TIAM1: variants seen among roughly 807,000 people sequenced by gnomAD.
TIAM1 encodes TIAM Rac1 associated GEF 1.
Under a neutral mutation model 163.5 loss-of-function variants are expected in TIAM1, and 65 were observed. That is an observed-to-expected ratio of 0.40 (90% confidence interval 0.33 to 0.49). The LOEUF is 0.49. TIAM1 is among the 20% of genes least tolerant of loss of function. TIAM1 has a pLI of 0.77. For synonymous variants in TIAM1, 833 were observed against 810.1 expected, an observed-to-expected ratio of 1.03 and a Z score of -0.48; for missense variants, 1,789 against 2,044.7, an observed-to-expected ratio of 0.87 and a Z score of 2.41.
chr21:31,295,262 A>G (rs2146931590), intron 2 of TIAM1, among the ~76,000 whole-genome samples: 1 of 152,260 alleles, frequency 6.6e-6, no homozygotes, highest in East Asian at 1.9e-4. Flanking sequence ...TGAAGTCAGG[A>G]AATCGAGACC....
intron 1 of TIAM1, among the ~76,000 whole-genome samples, chr21:31,512,415 C>G (rs1177169326): frequency 6.6e-6 from 1 of 151,942 alleles, no homozygotes; most frequent in Non-Finnish European, 1.5e-5. Context: ...TTTATTTTTA[C>G]TGTTGTCACA....
chr21:31,433,780 GAACCTTAATAT>G (rs2044120197), intron 2 of TIAM1, among the ~76,000 whole-genome samples: 1 of 151,982 alleles, frequency 6.6e-6, no homozygotes, highest in African/African-American at 2.4e-5. Flanking sequence ...CCACATAACT[GAACCTTAATAT>G]TTCTAAATGT....
intron 2 of TIAM1, among the ~76,000 whole-genome samples, chr21:31,456,749 T>TATTCTATC (rs1274524612): frequency 1.3e-5 from 2 of 152,338 alleles, no homozygotes; most frequent in Non-Finnish European, 2.9e-5. Flanking sequence ...ATAAGCATCC[T>TATTCTATC]ATTCTATCAT....
chr21:31,548,840 T>G (rs1450295522), intron 1 of TIAM1, among the ~76,000 whole-genome samples: 2 of 152,082 alleles, frequency 1.3e-5, no homozygotes, highest in Non-Finnish European at 2.9e-5. Flanking sequence ...TGGGCTGTTC[T>G]ATGCACTGGA....
intron 2 of TIAM1, among the ~76,000 whole-genome samples, chr21:31,280,564 T>C (rs1218361131): frequency 2.0e-5 from 3 of 152,052 alleles, no homozygotes; most frequent in African/African-American, 7.2e-5. Context: ...AATTTCTGTG[T>C]CATGTGTCAA....
intron 2 of TIAM1, among the ~76,000 whole-genome samples, chr21:31,400,925 T>G (rs888823798): frequency 6.6e-6 from 1 of 152,070 alleles, no homozygotes; most frequent in Admixed American, 6.6e-5. Flanking sequence ...ACCCCGGCTC[T>G]ACTAAAAATA....
chr21:31,500,891 T>C (rs1431766434), intron 1 of TIAM1, among the ~76,000 whole-genome samples: 2 of 152,234 alleles, frequency 1.3e-5, no homozygotes, highest in Admixed American at 6.5e-5. Flanking sequence ...GTTTGTGCTA[T>C]GTTATAACGG....
chr21:31,522,378 C>T (rs554670614), intron 1 of TIAM1, among the ~76,000 whole-genome samples: 6 of 151,290 alleles, frequency 4.0e-5, no homozygotes, highest in Admixed American at 2.0e-4. Context: ...GGCATGGTGG[C>T]GCATGCCTGT....
chr21:31,361,476 G>A (rs570936671), intron 2 of TIAM1, among the ~76,000 whole-genome samples: 5 of 152,262 alleles, frequency 3.3e-5, no homozygotes, highest in East Asian at 1.9e-4. Flanking sequence ...TCTCGAGCTG[G>A]TGATGGCCAC....
intron 15 of TIAM1, among the ~76,000 whole-genome samples, chr21:31,176,597 C>T (rs1006233058): frequency 4.6e-5 from 7 of 152,248 alleles, no homozygotes; most frequent in African/African-American, 1.4e-4. Context: ...AGGCTTCCCT[C>T]GTAAACCAAG....
intron 2 of TIAM1, among the ~76,000 whole-genome samples, chr21:31,314,322 T>C (rs560554607): frequency 6.6e-6 from 1 of 152,314 alleles, no homozygotes; most frequent in Admixed American, 6.5e-5. Context: ...AGAGGTATCC[T>C]GAGAATAACT....
intron 4 of TIAM1, among the ~76,000 whole-genome samples, chr21:31,256,862 T>C (rs956322581): frequency 1.3e-5 from 2 of 152,152 alleles, no homozygotes; most frequent in African/African-American, 4.8e-5. Context: ...GCCCAGCACA[T>C]AGTACCTGCT....
At position 31,359,836 on chromosome 21, in the gene TIAM1, GGAAGGAAGGAAGGAAGGA is replaced by G. The variant is rs1187584196; in HGVS notation, c.-368-20432_-368-20415del. 4.2e-3 allele frequency among the ~76,000 whole-genome samples: 567 copies of G among 136,560 alleles called. 10 individuals carry two copies. Among genetic ancestry groups the G allele is most frequent in the African/African-American group, 0.015 (550 of 35,724 alleles). 89.6% of individuals were successfully genotyped at this position (136,560 alleles called of 152,430 possible). ...AGGAAGGAAGGAAGGAAGGAAGGAAGGAAGGAAGGAAGGAAGGAAGGAAGGAAGGGAGGGAGGGAGGAA... is the reference window on the plus strand; with the variant it reads ...AGGAAGGAAGGAAGGAAGGAAGGAAGAGGAAGGAAGGGAGGGAGGGAGGAA... On this transcript the variant is annotated intron_variant, in intron 2 of 28. Coordinates refer to the TIAM1 transcript ENST00000286827.
At chr21:31,474,880 G>T (rs2045880819) in intron 1 of TIAM1, among the ~76,000 whole-genome samples, 2 of 151,842 alleles carry the variant, frequency 1.3e-5, no homozygotes, top group South Asian at 4.2e-4. Flanking sequence ...TGCACCCTGG[G>T]AGCCCTACAG....
intron 8 of TIAM1, among the ~76,000 whole-genome samples, chr21:31,218,307 C>G (rs1321810090): frequency 6.6e-6 from 1 of 152,158 alleles, no homozygotes; most frequent in African/African-American, 2.4e-5. Flanking sequence ...GTGGCTCATG[C>G]CTGTAATCCC....
intron 6 of TIAM1, among the ~76,000 whole-genome samples, chr21:31,237,414 C>T (rs1279703113): frequency 6.6e-6 from 1 of 152,192 alleles, no homozygotes; most frequent in Non-Finnish European, 1.5e-5. Context: ...AGACCTTAGC[C>T]TTTTCACAGT....
In TIAM1 at chr21:31,359,805, A is replaced by AAAGGAAGGAAGGAAGG. The variant is rs767750965; in HGVS notation, c.-368-20399_-368-20384dup. 2.5e-3 allele frequency among the ~76,000 whole-genome samples: 225 copies of AAAGGAAGGAAGGAAGG among 90,730 alleles called. 3 individuals are homozygous for AAAGGAAGGAAGGAAGG. The highest frequency in any genetic ancestry group is 0.016 in the East Asian group (49 of 2,972). 59.5% of individuals were successfully genotyped at this position (90,730 alleles called of 152,430 possible). A position where few individuals can be genotyped will look rare whatever the true frequency, so the allele number is the denominator to read the frequency against. On this transcript the variant is annotated intron_variant, in intron 2 of 28. Transcript: ENST00000286827. ...TCTGTCAAAAGAGAAAAAGAAAGAA[A>AAAGGAAGGAAGGAAGG]AAGGAAGGAAGGAAGGAAGGAAGGA...
At chr21:31,437,251 G>C (rs924965092) in intron 2 of TIAM1, among the ~76,000 whole-genome samples, 1 of 152,002 alleles carries the variant, frequency 6.6e-6, no homozygotes, top group African/African-American at 2.4e-5. Context: ...TATTATGGCT[G>C]GGCACACTGG....
At chr21:31,528,892 A>G (rs923972111) in intron 1 of TIAM1, among the ~76,000 whole-genome samples, 14 of 150,942 alleles carry the variant, frequency 9.3e-5, no homozygotes, top group African/African-American at 3.1e-4. Flanking sequence ...AGGAAACTGG[A>G]AGAATAGGTA....
Sources: gnomAD v4.1 joint callset for allele counts (sites outside exome capture counted in the v4.1 genomes callset) on GRCh38, gnomAD v4.1.1 for gene constraint, MANE v1.5 for transcripts, NCBI Gene and HGNC (gene_info 2026-07-23, HGNC 2026-07-21) for gene names.